The following HMGB1 variants were observed in gnomAD, a reference collection of about 807,000 sequenced individuals.
HMGB1 encodes high mobility group protein B1.
For synonymous variants in HMGB1, 81 were observed against 84.0 expected (o/e 0.96, Z 0.19); for missense variants, 79 against 253.5 (o/e 0.31, Z 4.67).
At chr13:30,463,124 A>C (rs1886464825) in intron 3 of HMGB1, 83 bp downstream of exon 3, 13 of 1,343,788 alleles carry the variant, frequency 9.7e-6, no homozygotes, top group Non-Finnish European at 1.4e-5. Flanking sequence ...TTTACACTCT[A>C]AACTGACAAA....
rs929057733 is a variant in HMGB1, at chr13:30,559,397, G to C, written c.-15+57274C>G. Among the ~76,000 whole-genome samples, 2 of 152,136 alleles carry C rather than the reference G, an allele frequency of 1.3e-5. No homozygotes were observed. Among genetic ancestry groups the C allele is most frequent in the African/African-American group, 4.8e-5 (2 of 41,414 alleles). On this transcript the variant is annotated intron_variant, in intron 1 of 4. Transcript: ENST00000405805. The surrounding 1 kb of genome is among the most constrained non-coding windows in gnomAD (Gnocchi z 6.6). ...TAAGATGGCCCGAGTTTCATTGCTG[G>C]TTTACTAGTTTTGCTTCCTTGGGCA... is the stretch of plus-strand genomic sequence containing the variant.
intron 1 of HMGB1, among the ~76,000 whole-genome samples, chr13:30,521,334 C>T (rs1469464941): frequency 6.6e-6 from 1 of 152,018 alleles, no homozygotes; most frequent in South Asian, 2.1e-4. Flanking sequence ...ATTTCATTAC[C>T]CCAGAAAGAA....
At chr13:30,560,753 G>C (rs1365208569) in intron 1 of HMGB1, among the ~76,000 whole-genome samples, 1 of 152,176 alleles carries the variant, frequency 6.6e-6, no homozygotes, top group South Asian at 2.1e-4. Context: ...AAGTGTTAAA[G>C]AAGAGGCTCA....
chr13:30,600,435 G>A (rs548837333), intron 1 of HMGB1, among the ~76,000 whole-genome samples: 4 of 152,236 alleles, frequency 2.6e-5, no homozygotes, highest in South Asian at 2.1e-4. Flanking sequence ...AAAACATTCC[G>A]TCATCTAATA....
At chr13:30,514,804 T>C (rs1593285255) in intron 1 of HMGB1, among the ~76,000 whole-genome samples, 2 of 152,224 alleles carry the variant, frequency 1.3e-5, no homozygotes, top group East Asian at 3.9e-4. Context: ...TGCCTAACTA[T>C]CATCTTTTAA....
chr13:30,461,727 C>G, intron 4 of HMGB1, 194 bp from the exon 5 acceptor site: 1 of 1,406,580 alleles, frequency 7.1e-7, no homozygotes, highest in Non-Finnish European at 9.9e-7. Flanking sequence ...ATCATTATAA[C>G]AATCTATAAC....
intron 1 of HMGB1, among the ~76,000 whole-genome samples, chr13:30,574,531 CATTT>C (rs1213543875): frequency 6.6e-6 from 1 of 152,204 alleles, no homozygotes; most frequent in African/African-American, 2.4e-5. Context: ...AGAATGCATT[CATTT>C]ATCAACTTTC....
At chr13:30,610,068 T>C (rs1950499434) in intron 1 of HMGB1, among the ~76,000 whole-genome samples, 1 of 152,236 alleles carries the variant, frequency 6.6e-6, no homozygotes, top group South Asian at 2.1e-4. Flanking sequence ...TTAGTAAATA[T>C]ACTTACTTTT....
intron 1 of HMGB1, among the ~76,000 whole-genome samples, chr13:30,513,085 C>T (rs1888027873): frequency 6.6e-6 from 1 of 152,202 alleles, no homozygotes; most frequent in South Asian, 2.1e-4. Context: ...ATTGCTTGAA[C>T]CTGGGAGGCA....
intron 1 of HMGB1, among the ~76,000 whole-genome samples, chr13:30,480,906 G>A (rs1178030075): frequency 2.0e-5 from 3 of 151,770 alleles, no homozygotes; most frequent in Non-Finnish European, 4.4e-5. Flanking sequence ...ACACTTCAGG[G>A]AAAAGTAGTA....
chr13:30,467,871 G>A (rs1886835453), upstream of HMGB1, among the ~76,000 whole-genome samples: 1 of 152,188 alleles, frequency 6.6e-6, no homozygotes, highest in Non-Finnish European at 1.5e-5. Context: ...GTCTATACCA[G>A]CTTGCTCCTG....
At chr13:30,602,072 G>A (rs1032692762) in intron 1 of HMGB1, among the ~76,000 whole-genome samples, 1 of 152,146 alleles carries the variant, frequency 6.6e-6, no homozygotes, top group Non-Finnish European at 1.5e-5. Context: ...GGTGACACCA[G>A]TACCACAGCC....
intron 1 of HMGB1, among the ~76,000 whole-genome samples, chr13:30,552,675 C>T (rs1869483727): frequency 6.6e-6 from 1 of 152,212 alleles, no homozygotes; most frequent in South Asian, 2.1e-4. Context: ...ACTTCATATA[C>T]TACCCAGCAT....
At chr13:30,478,861 C>A (rs1248843180) in intron 1 of HMGB1, among the ~76,000 whole-genome samples, 2 of 135,128 alleles carry the variant, frequency 1.5e-5, no homozygotes, top group African/African-American at 5.1e-5. Flanking sequence ...TTTTTCTTTT[C>A]TTTTCTTTTC....
intron 1 of HMGB1, among the ~76,000 whole-genome samples, chr13:30,567,474 C>T (rs534214161): frequency 2.0e-5 from 3 of 152,008 alleles, no homozygotes; most frequent in African/African-American, 7.2e-5. Flanking sequence ...CTCAGTCTCC[C>T]GAGTAGCTGG....
chr13:30,610,867 A>G (rs1950506880), intron 1 of HMGB1, among the ~76,000 whole-genome samples: 1 of 152,230 alleles, frequency 6.6e-6, no homozygotes, highest in South Asian at 2.1e-4. Context: ...TGTGGTGAGA[A>G]CCATATATTA....
At position 30,460,815 on chromosome 13, in the gene HMGB1, T is replaced by C. The variant is rs566767375; in HGVS notation, c.*542A>G. On this transcript the variant is annotated 3_prime_UTR_variant, in exon 5 of 5. Transcript: ENST00000341423. ...AGGATAAACACTGTAATAATTCATG[T>C]GATTCAAAATGGGCAAAAGCAAAAG... The C allele has an allele frequency of 4.6e-5, 7 of 153,050 alleles. No homozygotes were observed. Among genetic ancestry groups the C allele is most frequent in the Admixed American group, 3.9e-4 (6 of 15,298 alleles). 9.5% of individuals were successfully genotyped at this position (153,050 alleles called of 1,614,324 possible).
chr13:30,604,805 G>C (rs1007632875), intron 1 of HMGB1, among the ~76,000 whole-genome samples: 2 of 152,026 alleles, frequency 1.3e-5, no homozygotes, highest in Non-Finnish European at 1.5e-5. Flanking sequence ...CTACGGGCGC[G>C]TGCCACCACA....
chr13:30,538,697 C>A (rs59686103), intron 1 of HMGB1, among the ~76,000 whole-genome samples: 1,330 of 42,890 alleles, frequency 0.031, 68 homozygotes, highest in African/African-American at 0.087. Context: ...TTCTTTCTTT[C>A]TTTCTTTTTC....
Sources: gnomAD v4.1 joint callset for allele counts (sites outside exome capture counted in the v4.1 genomes callset) on GRCh38, gnomAD v4.1.1 for gene constraint, Gnocchi (gnomAD v3.1) non-coding constraint, MANE v1.5 for transcripts, NCBI Gene and HGNC (gene_info 2026-07-23, HGNC 2026-07-21) for gene names.